ARHGEF17: variants seen among roughly 807,000 people sequenced by gnomAD.
ARHGEF17 encodes 164 kDa Rho-specific guanine-nucleotide exchange factor.
In ARHGEF17, 80 loss-of-function variants were observed where a neutral mutation model predicts 174.0. That is an observed-to-expected ratio of 0.46 (90% CI 0.38 to 0.55). The LOEUF (loss-of-function observed/expected upper bound fraction) is 0.55. Among genes scored for constraint, ARHGEF17 ranks in the 20% least tolerant of loss-of-function variants. The pLI is 0.00. For missense variants in ARHGEF17, 2,886 were observed against 2,839.7 expected (o/e 1.02, Z -0.37); for synonymous variants, 1,311 against 1,189.1 (o/e 1.10, Z -2.11).
intron 9 of ARHGEF17, among the ~76,000 whole-genome samples, chr11:73,358,959 TA>T (rs1215773241): frequency 1.3e-5 from 2 of 152,114 alleles, no homozygotes; most frequent in African/African-American, 4.8e-5. Context: ...GACTCCATCT[TA>T]CAGTTACAAA....
At chr11:73,345,001 A>T (rs995735190) in intron 1 of ARHGEF17, among the ~76,000 whole-genome samples, 9 of 152,274 alleles carry the variant, frequency 5.9e-5, no homozygotes, top group Admixed American at 3.9e-4. Flanking sequence ...CACAGAGCTG[A>T]GTGTGAGGCT....
Position 73,363,164 on chromosome 11 carries a change from C to T in ARHGEF17, c.4997-42C>T, listed in dbSNP as rs1865776164. 3 of 1,487,764 alleles carry T rather than the reference C, an allele frequency of 2.0e-6. No homozygotes were observed. In the Admixed American group the frequency reaches 7.3e-5, roughly 36 times the overall value. The allele number at this position is 1,487,764 out of a possible 1,614,324, so 92.2% of individuals were successfully genotyped here. ...CCTAGAAAGATATCAGGTCCCAGGC[C>T]TGGCAGAGGGAAATGGAGACAGAGA... On this transcript the variant is annotated intron_variant, in intron 14 of 20. Coordinates refer to ENST00000263674, the MANE Select transcript of ARHGEF17 (RefSeq NM_014786.4).
In ARHGEF17 at chr11:73,362,746, C is replaced by A. The variant is rs765951949; in HGVS notation, c.4996+12C>A. ...CTCCAGCTTTGGCAGTGAGCTTTGG[C>A]CATCTCCTCCAACTTGGCCTTGGCA... On this transcript the variant is annotated intron_variant, in intron 14 of 20. Coordinates refer to ENST00000263674, the MANE Select transcript of ARHGEF17 (RefSeq NM_014786.4). 1.7e-5 allele frequency: 27 copies of A among 1,592,524 alleles called. No homozygotes were observed. The East Asian group carries it at 6.1e-4, about 36-fold the overall frequency.
chr11:73,311,673 T>A lies in ARHGEF17; in HGVS notation c.3035T>A (p.Leu1012Gln). 1 of 1,613,436 alleles carries A rather than the reference T, an allele frequency of 6.2e-7. No homozygotes were observed. The highest frequency in any genetic ancestry group is 8.5e-7 in the Non-Finnish European group (1 of 1,180,022). ...GAGGACGTCACCAAGCAGTACATGC[T>A]GAACCTGCACTCCGGTGAGGTCCCT... ...SLEDVTKQYMLNLHSGEVPAP... is the reference protein window; with the variant it reads ...SLEDVTKQYMQNLHSGEVPAP... Residue 1012 changes from leucine to glutamine, a missense_variant, in exon 1 of 21, where the codon CTG becomes CAG. Leu to Gln is a moderately radical substitution (Grantham distance 113). Coordinates refer to ENST00000263674, the MANE Select transcript of ARHGEF17 (RefSeq NM_014786.4).
Position 73,308,890 on chromosome 11 carries a change from G to A in ARHGEF17, c.252G>A (p.Gln84=). The A allele has an allele frequency of 2.9e-6, 4 of 1,363,582 alleles. No homozygotes were observed. Among genetic ancestry groups the A allele is most frequent in the South Asian group, 1.8e-5 (1 of 57,086 alleles). 84.5% of individuals were successfully genotyped at this position (1,363,582 alleles called of 1,614,324 possible). ...GCAGCCTCTCGCCGTCGGTTCGCCA[G>A]CTCTCCCGGCGCTTCGACGCGCCGC... is the stretch of plus-strand genomic sequence containing the variant. The part of the protein sequence containing the change: ...PLRSLSPSVR[Q]LSRRFDAPRL... Residue 84 remains glutamine (Q), a synonymous_variant, in exon 1 of 21, where the codon CAG becomes CAA. Transcript: ENST00000263674.
chr11:73,329,357 ATATATATATATATATATTT>A (rs1473979852), intron 1 of ARHGEF17, among the ~76,000 whole-genome samples: 2 of 4,132 alleles, frequency 4.8e-4, no homozygotes, highest in East Asian at 5.3e-3. Flanking sequence ...ATATATATAT[ATATATATATATATATATTT>A]TTTTTTTTTT....
intron 1 of ARHGEF17, among the ~76,000 whole-genome samples, chr11:73,325,725 T>G (rs556232890): frequency 2.5e-4 from 38 of 152,334 alleles, no homozygotes; most frequent in African/African-American, 8.4e-4. Flanking sequence ...ACAAGTAACA[T>G]AAACAGGCAT....
At chr11:73,326,604 C>T (rs1460260231) in intron 1 of ARHGEF17, among the ~76,000 whole-genome samples, 1 of 152,106 alleles carries the variant, frequency 6.6e-6, no homozygotes, top group Non-Finnish European at 1.5e-5. Context: ...CCTGTAATTC[C>T]AGCTACTCGG....
intron 2 of ARHGEF17, among the ~76,000 whole-genome samples, chr11:73,351,993 C>T (rs185922653): frequency 7.2e-5 from 11 of 152,260 alleles, no homozygotes; most frequent in African/African-American, 2.4e-4. Flanking sequence ...TAATTGGTAG[C>T]ATATCATAAT....
rs1591769402 is a variant in ARHGEF17 at position 73,369,317 on chromosome 11, C to T, written c.*1537C>T. The T allele has an allele frequency of 6.6e-6, 1 of 152,310 alleles. No homozygotes were observed. The highest frequency in any genetic ancestry group is 3.4e-3 in the Middle Eastern group (1 of 294). 9.4% of individuals were successfully genotyped at this position (152,310 alleles called of 1,614,324 possible). On this transcript the variant is annotated 3_prime_UTR_variant, in exon 21 of 21. Transcript: ENST00000263674. ...TTGTACCAGTTCAGTGCTTTGTAACCAGGGTTACATGGTAGAATCCCTTGC... is the reference window on the plus strand; with the variant it reads ...TTGTACCAGTTCAGTGCTTTGTAACTAGGGTTACATGGTAGAATCCCTTGC...
rs143630526 is a variant in ARHGEF17 at position 73,365,696 on chromosome 11, G to A, written c.5744G>A (p.Arg1915Gln). The A allele has an allele frequency of 1.6e-3, 2,631 of 1,612,606 alleles. 15 individuals are homozygous for A. Among genetic ancestry groups the A allele is most frequent in the Non-Finnish European group, 2.0e-3 (2,385 of 1,179,378 alleles). ...RMLAGSDAII[R>Q]QHKAACLRIT... is the part of the protein sequence containing the mutation. ...ACCCCAGGCTCGGATGCCATCATCC[G>A]GCAGCACAAGGCTGCCTGTCTGCGA... is the stretch of plus-strand genomic sequence containing the variant. Residue 1915 changes from arginine to glutamine, a missense_variant, in exon 20 of 21, where the codon CGG becomes CAG. Arg to Gln is a conservative substitution (Grantham distance 43). Transcript: ENST00000263674. This position sits in a 1 kb window ranked among gnomAD's most constrained non-coding sequence, Gnocchi z 4.9.
chr11:73,350,014 C>A (rs1374513593), intron 2 of ARHGEF17, among the ~76,000 whole-genome samples: 3 of 152,182 alleles, frequency 2.0e-5, no homozygotes, highest in African/African-American at 7.2e-5. Flanking sequence ...CATAACCAGT[C>A]TCTGCCTCAG....
At chr11:73,359,998 T>C in intron 10 of ARHGEF17, 46 bp downstream of exon 10, 1 of 1,497,520 alleles carries the variant, frequency 6.7e-7, no homozygotes, top group Admixed American at 2.1e-5. Context: ...GGTGGGAGGC[T>C]TCTGACCCTG....
At chr11:73,324,276 G>A (rs1028006478) in intron 1 of ARHGEF17, among the ~76,000 whole-genome samples, 3 of 152,162 alleles carry the variant, frequency 2.0e-5, no homozygotes, top group African/African-American at 2.4e-5. Context: ...GATTCTGGTC[G>A]GGTGGATCCA....
Position 73,308,584 on chromosome 11 carries a change from G to T in ARHGEF17, c.-55G>T. The T allele has an allele frequency of 2.6e-5, 35 of 1,365,424 alleles. No homozygotes were observed. Among genetic ancestry groups the T allele is most frequent in the Non-Finnish European group, 3.2e-5 (34 of 1,059,044 alleles). The allele number at this position is 1,365,424 out of a possible 1,614,324, so 84.6% of individuals were successfully genotyped here. A position where few individuals can be genotyped will look rare whatever the true frequency, so the allele number is the denominator to read the frequency against. On this transcript the variant is annotated 5_prime_UTR_variant, in exon 1 of 21. Coordinates refer to ENST00000263674, the MANE Select transcript of ARHGEF17 (RefSeq NM_014786.4). ...GCGCTCCTAGGGAGTGGGGGCGCAG[G>T]GGGGGTTGGCCGCGGCTGCCCGAGG...
intron 1 of ARHGEF17, among the ~76,000 whole-genome samples, chr11:73,345,727 G>A (rs996962439): frequency 1.3e-5 from 2 of 152,198 alleles, no homozygotes; most frequent in South Asian, 2.1e-4. Flanking sequence ...GCAGGAACCC[G>A]AGATACGGTC....
At chr11:73,331,672 TC>T (rs1014128062) in intron 1 of ARHGEF17, among the ~76,000 whole-genome samples, 4 of 152,086 alleles carry the variant, frequency 2.6e-5, no homozygotes, top group African/African-American at 9.7e-5. Context: ...TCATTTGTTT[TC>T]CAAAGGAGAA....
chr11:73,362,344 G>T, intron 13 of ARHGEF17, 89 bp from the exon 14 acceptor site: 1 of 1,445,880 alleles, frequency 6.9e-7, no homozygotes, highest in Non-Finnish European at 9.1e-7. Context: ...GCGGGGCCCG[G>T]CGAGTGTGGG....
At chr11:73,323,945 C>T (rs1865060340) in intron 1 of ARHGEF17, among the ~76,000 whole-genome samples, 2 of 152,220 alleles carry the variant, frequency 1.3e-5, no homozygotes, top group Non-Finnish European at 2.9e-5. Context: ...TTCTTCTCTC[C>T]TTCTGTCCTC....
Sources: gnomAD v4.1 joint callset for allele counts (sites outside exome capture counted in the v4.1 genomes callset) on GRCh38, gnomAD v4.1.1 for gene constraint, Gnocchi (gnomAD v3.1) non-coding constraint, MANE v1.5 for transcripts, NCBI Gene and HGNC (gene_info 2026-07-23, HGNC 2026-07-21) for gene names.